GPC6: variants seen among roughly 807,000 people sequenced by gnomAD.
The protein encoded by GPC6 is glypican-6.
Under a neutral mutation model 55.2 loss-of-function variants are expected in GPC6, and 14 were observed. The ratio of observed to expected loss-of-function variants is 0.25; its 90% CI spans 0.17 to 0.40. GPC6 has a LOEUF of 0.40. GPC6 is among the 10% of genes least tolerant of loss of function. The pLI is 1.00. For missense variants in GPC6, 641 were observed against 708.5 expected (o/e 0.90, Z 1.08); for synonymous variants, 278 against 259.6 (o/e 1.07, Z -0.68).
intron 1 of GPC6, among the ~76,000 whole-genome samples, chr13:93,509,323 CAAAT>C (rs1880856058): frequency 6.6e-6 from 1 of 152,118 alleles, no homozygotes; most frequent in Non-Finnish European, 1.5e-5. Context: ...GTATAAATAT[CAAAT>C]GAATGTAGTA....
intron 2 of GPC6, among the ~76,000 whole-genome samples, chr13:93,700,481 G>A (rs1314987483): frequency 6.6e-6 from 1 of 152,096 alleles, no homozygotes; most frequent in Non-Finnish European, 1.5e-5. Context: ...AAGACTTACA[G>A]AAATCTCCTG....
intron 4 of GPC6, among the ~76,000 whole-genome samples, chr13:94,196,884 C>T (rs918082730): frequency 7.2e-5 from 11 of 152,098 alleles, no homozygotes; most frequent in African/African-American, 2.4e-4. Flanking sequence ...AAAAGAGACA[C>T]TTATATTGGC....
chr13:93,227,499 C>T lies in GPC6; in HGVS notation c.43C>T (p.Leu15=), dbSNP rs779429225. Reference sequence around the variant, plus strand: ...GGCTGTGATTCTTCCCCTCTTGGGGCTGCTGCTCTCCCTCCCCGCCGGGGC... The same window carrying T: ...GGCTGTGATTCTTCCCCTCTTGGGGTTGCTGCTCTCCCTCCCCGCCGGGGC... ...IGAVILPLLG[L]LLSLPAGADV... Residue 15 remains leucine (L), a synonymous_variant, in exon 1 of 9, where the codon CTG becomes TTG. Coordinates refer to ENST00000377047, the MANE Select transcript of GPC6 (RefSeq NM_005708.5). The surrounding 1 kb of genome is among the most constrained non-coding windows in gnomAD (Gnocchi z 4.3). 3.0e-5 allele frequency: 49 copies of T among 1,613,754 alleles called. No individual in the cohort carries two copies. Among genetic ancestry groups the T allele is most frequent in the Non-Finnish European group, 4.2e-5 (49 of 1,179,802 alleles).
intron 5 of GPC6, among the ~76,000 whole-genome samples, 158 bp downstream of exon 5, chr13:94,286,637 AT>A (rs1205933248): frequency 6.6e-6 from 1 of 152,212 alleles, no homozygotes; most frequent in Non-Finnish European, 1.5e-5. Context: ...TTCATTAAAA[AT>A]GTCTAACAAA....
intron 2 of GPC6, among the ~76,000 whole-genome samples, chr13:93,590,723 G>A (rs1286872224): frequency 6.6e-6 from 1 of 152,106 alleles, no homozygotes; most frequent in African/African-American, 2.4e-5. Context: ...AGTCATAAAA[G>A]TTACCAGGAA....
intron 1 of GPC6, among the ~76,000 whole-genome samples, chr13:93,431,632 C>T (rs1005493039): frequency 6.6e-6 from 1 of 151,946 alleles, no homozygotes; most frequent in Non-Finnish European, 1.5e-5. Context: ...TCCTTAAAGT[C>T]TTAAAATCTT....
In GPC6 at chr13:93,365,671, CA is replaced by C. The variant is rs1226781464; in HGVS notation, c.160+138056del. Reference sequence around the variant, plus strand: ...ACCCCAAATTTTAGGGCAAATTTATCATAATTATTTTAGGGGAACAATTATT... The same window carrying C: ...ACCCCAAATTTTAGGGCAAATTTATCTAATTATTTTAGGGGAACAATTATT... On this transcript the variant is annotated intron_variant, in intron 1 of 8. Coordinates refer to ENST00000377047, the MANE Select transcript of GPC6 (RefSeq NM_005708.5). Among the ~76,000 whole-genome samples the C allele has an allele frequency of 3.3e-5, 5 of 152,124 alleles. No homozygotes were observed. In the East Asian group the frequency reaches 9.7e-4, roughly 29 times the overall value.
chr13:93,391,570 AAGAT>A (rs1487559173), intron 1 of GPC6, among the ~76,000 whole-genome samples: 1 of 152,226 alleles, frequency 6.6e-6, no homozygotes, highest in Admixed American at 6.5e-5. Flanking sequence ...TTCAGATACT[AAGAT>A]AAATACATAA....
At chr13:93,409,100 T>C (rs1291668739) in intron 1 of GPC6, among the ~76,000 whole-genome samples, 2 of 151,768 alleles carry the variant, frequency 1.3e-5, no homozygotes, top group Non-Finnish European at 2.9e-5. Flanking sequence ...GTCAAATGAA[T>C]AAACAAATTT....
chr13:94,145,866 A>G (rs1178577980), intron 4 of GPC6, among the ~76,000 whole-genome samples: 2 of 152,156 alleles, frequency 1.3e-5, no homozygotes, highest in Admixed American at 1.3e-4. Flanking sequence ...AACTAACCCA[A>G]TCTGGAGGTT....
intron 4 of GPC6, among the ~76,000 whole-genome samples, chr13:94,212,882 G>A (rs895494541): frequency 6.6e-6 from 1 of 152,246 alleles, no homozygotes; most frequent in African/African-American, 2.4e-5. Flanking sequence ...CTAGGGCCGG[G>A]CACGGTGGCT....
At chr13:94,005,176 A>G (rs146891392) in intron 3 of GPC6, among the ~76,000 whole-genome samples, 38 of 152,344 alleles carry the variant, frequency 2.5e-4, no homozygotes, top group African/African-American at 8.9e-4. Context: ...GGGAAATGAC[A>G]TTGGAATTTC....
intron 1 of GPC6, among the ~76,000 whole-genome samples, chr13:93,336,078 A>T (rs891566818): frequency 2.0e-5 from 3 of 152,232 alleles, no homozygotes; most frequent in Non-Finnish European, 4.4e-5. Context: ...AAGTCACTTC[A>T]CATCATCATA....
At chr13:94,276,874 A>G (rs1180758910) in intron 4 of GPC6, among the ~76,000 whole-genome samples, 3 of 152,188 alleles carry the variant, frequency 2.0e-5, no homozygotes, top group South Asian at 2.1e-4. Flanking sequence ...TGTCTTTGCT[A>G]TTGTAAATAG....
At chr13:93,232,018 C>T (rs1230043214) in intron 1 of GPC6, among the ~76,000 whole-genome samples, 3 of 151,980 alleles carry the variant, frequency 2.0e-5, no homozygotes, top group African/African-American at 7.3e-5. Context: ...GCCCAGTGGG[C>T]GTTTCCTTTC....
intron 4 of GPC6, among the ~76,000 whole-genome samples, chr13:94,219,257 C>A (rs1451060987): frequency 1.3e-5 from 2 of 152,122 alleles, no homozygotes; most frequent in Non-Finnish European, 2.9e-5. Context: ...TGACCCTGAT[C>A]TGCTATTTCC....
chr13:93,901,492 T>C (rs1440873542), intron 3 of GPC6, among the ~76,000 whole-genome samples: 1 of 152,202 alleles, frequency 6.6e-6, no homozygotes, highest in Non-Finnish European at 1.5e-5. Context: ...TATTTTTCAG[T>C]ATTTTTAATA....
intron 1 of GPC6, among the ~76,000 whole-genome samples, chr13:93,494,812 G>C (rs1190372116): frequency 6.7e-6 from 1 of 148,810 alleles, no homozygotes; most frequent in Non-Finnish European, 1.5e-5. Context: ...TGAAATTCTG[G>C]GTTGAAAATT....
intron 5 of GPC6, among the ~76,000 whole-genome samples, chr13:94,288,952 T>TAACAA (rs754236057): frequency 6.6e-5 from 2 of 30,512 alleles, no homozygotes; most frequent in South Asian, 8.5e-4. Flanking sequence ...GATAGATAGA[T>TAACAA]ATATAGATAG....
Sources: gnomAD v4.1 joint callset for allele counts (sites outside exome capture counted in the v4.1 genomes callset) on GRCh38, gnomAD v4.1.1 for gene constraint, Gnocchi (gnomAD v3.1) non-coding constraint, MANE v1.5 for transcripts, NCBI Gene and HGNC (gene_info 2026-07-23, HGNC 2026-07-21) for gene names.